The following DNAH10 variants were observed in gnomAD, a reference collection of about 807,000 sequenced individuals.
DNAH10 encodes axonemal beta dynein heavy chain 10.
DNAH10 carries 348 observed loss-of-function variants against 506.6 expected under a neutral mutation model. The ratio of observed to expected loss-of-function variants is 0.69; its 90% CI spans 0.63 to 0.75. The LOEUF (loss-of-function observed/expected upper bound fraction) is 0.75, where lower values mean the gene tolerates loss of function less well. Ranked by LOEUF, DNAH10 falls within the 30% of genes least tolerant of loss-of-function variation. The pLI is 0.00. For synonymous variants in DNAH10, 2,059 were observed against 2,198.6 expected (o/e 0.94, Z 1.78); for missense variants, 5,179 against 5,787.1 (o/e 0.89, Z 3.41).
intron 13 of DNAH10, among the ~76,000 whole-genome samples, chr12:123,797,443 A>G (rs1487229944): frequency 6.8e-6 from 1 of 147,446 alleles, no homozygotes; most frequent in Non-Finnish European, 1.5e-5. Flanking sequence ...CCCAGGCTGG[A>G]GTGCAGTGGC....
At chr12:123,847,627 T>C (rs963466874) in intron 32 of DNAH10, among the ~76,000 whole-genome samples, 8 of 152,192 alleles carry the variant, frequency 5.3e-5, no homozygotes, top group African/African-American at 1.7e-4. Flanking sequence ...CAGTCTTCAA[T>C]GGATTAGATG....
At chr12:123,812,147 AC>A (rs1958960683) in intron 19 of DNAH10, among the ~76,000 whole-genome samples, 1 of 151,958 alleles carries the variant, frequency 6.6e-6, no homozygotes, top group African/African-American at 2.4e-5. Context: ...GTTATGACTC[AC>A]GCTTGATTAA....
At chr12:123,790,479 G>T (rs1371699287) in intron 11 of DNAH10, among the ~76,000 whole-genome samples, 2 of 152,150 alleles carry the variant, frequency 1.3e-5, no homozygotes, top group African/African-American at 4.8e-5. Flanking sequence ...TGAGAATTGC[G>T]TTTTGTCAGA....
intron 19 of DNAH10, among the ~76,000 whole-genome samples, chr12:123,809,714 C>T (rs1207719029): frequency 6.6e-6 from 1 of 151,902 alleles, no homozygotes; most frequent in Non-Finnish European, 1.5e-5. Flanking sequence ...TAAACTGCCC[C>T]CACCCACCCC....
chr12:123,875,358 T>G lies in DNAH10; in HGVS notation c.8066T>G (p.Met2689Arg), dbSNP rs376164121. The G allele has an allele frequency of 1.2e-6, 2 of 1,613,928 alleles. No homozygotes were observed. The highest frequency in any genetic ancestry group is 1.6e-4 in the Middle Eastern group (1 of 6,062). The change falls in exon 47 of 79, where the codon ATG (methionine) becomes AGG (arginine). Residue 2689 changes from methionine to arginine, a missense_variant. Coordinates refer to ENST00000673944, the MANE Select transcript of DNAH10 (RefSeq NM_001372106.1). Reference protein sequence around the residue: ...SIRDLGFIAAMGKAGGGRNEV... With the variant: ...SIRDLGFIAARGKAGGGRNEV... ...CGAGACCTTGGCTTTATTGCTGCAA[T>G]GGGAAAGGCTGGAGGAGGCCGCAAT...
In DNAH10 at chr12:123,774,169, G is replaced by A. The variant is rs781038974; in HGVS notation, c.526G>A (p.Asp176Asn). ...NTKEAISEATDMKEAMEIMPE... is the reference protein window; with the variant it reads ...NTKEAISEATNMKEAMEIMPE... ...TTTAGAGGCAATCTCTGAAGCTACC[G>A]ACATGAAGGAAGCTATGGAAATTAT... Residue 176 changes from aspartate to asparagine, a missense_variant, in exon 5 of 79, where the codon GAC becomes AAC. Asp to Asn is a conservative substitution (Grantham distance 23). This residue lies in a region of DNAH10 where 326 missense variants were observed against 330.8 expected (regional missense o/e 0.99). Transcript: ENST00000673944. 6.8e-6 allele frequency: 11 copies of A among 1,610,074 alleles called. No homozygotes were observed. Among genetic ancestry groups the A allele is most frequent in the East Asian group, 2.2e-5 (1 of 44,748 alleles).
At chr12:123,880,147 C>T (rs531721976) in intron 50 of DNAH10, among the ~76,000 whole-genome samples, 27 of 152,172 alleles carry the variant, frequency 1.8e-4, no homozygotes, top group Admixed American at 1.4e-3. Flanking sequence ...GGCTTTGGGT[C>T]GCTGCTGGCC....
rs372841784 is a variant in DNAH10 at position 123,926,546 on chromosome 12, C to T, written c.11922-91C>T. On this transcript the variant is annotated intron_variant, in intron 68 of 78. Coordinates refer to ENST00000673944, the MANE Select transcript of DNAH10 (RefSeq NM_001372106.1). This position sits in a 1 kb window ranked among gnomAD's most constrained non-coding sequence, Gnocchi z 4.1. ...AGAGGAGTGGTCAGAAGGTTCTGGA[C>T]ACCGGAGGAGGCAGCGCTGATCAGA... 5.0e-4 allele frequency: 696 copies of T among 1,383,474 alleles called. 6 individuals carry two copies. The South Asian group carries it at 9.4e-3, about 19-fold the overall frequency. 85.7% of individuals were successfully genotyped at this position (1,383,474 alleles called of 1,614,324 possible).
chr12:123,825,443 C>G (rs920284405), intron 24 of DNAH10, among the ~76,000 whole-genome samples: 1 of 152,230 alleles, frequency 6.6e-6, no homozygotes, highest in African/African-American at 2.4e-5. Flanking sequence ...CGGAATACTA[C>G]TACTCAGCAA....
At chr12:123,765,977 C>A (rs993463041) in intron 1 of DNAH10, among the ~76,000 whole-genome samples, 2 of 152,098 alleles carry the variant, frequency 1.3e-5, no homozygotes, top group African/African-American at 4.8e-5. Flanking sequence ...TACCTATCAT[C>A]TATCTATCCA....
At chr12:123,801,579 G>T (rs570015060) in intron 16 of DNAH10, 147 bp downstream of exon 16, 2 of 990,158 alleles carry the variant, frequency 2.0e-6, no homozygotes, top group Non-Finnish European at 2.9e-6. Context: ...GCGGAACTTA[G>T]AACTGATCTC....
chr12:123,829,709 C>CATGTGT (rs1555226003), intron 25 of DNAH10, among the ~76,000 whole-genome samples: 39 of 151,084 alleles, frequency 2.6e-4, no homozygotes, highest in African/African-American at 9.2e-4. Flanking sequence ...TTTCCATGGC[C>CATGTGT]GTGTGTGTGT....
Position 123,926,351 on chromosome 12 carries a change from G to C in DNAH10, c.11922-286G>C. 1 of 399,182 alleles carries C rather than the reference G, an allele frequency of 2.5e-6. No individual in the cohort carries two copies. Among genetic ancestry groups the C allele is most frequent in the Non-Finnish European group, 4.4e-6 (1 of 228,912 alleles). 24.7% of individuals were successfully genotyped at this position (399,182 alleles called of 1,614,324 possible). The stretch of plus-strand genomic sequence containing the variant: ...GTGGAACCTCAGGGTTTTGTGCCAT[G>C]GGCAGGCCCACCTAGAGGGCAAGCT... On this transcript the variant is annotated intron_variant, in intron 68 of 78. Coordinates refer to ENST00000673944, the MANE Select transcript of DNAH10 (RefSeq NM_001372106.1). This position sits in a 1 kb window ranked among gnomAD's most constrained non-coding sequence, Gnocchi z 4.1.
In DNAH10 at chr12:123,790,070, G is replaced by T. The variant is rs1273008478; in HGVS notation, c.1764G>T (p.Lys588Asn). The T allele has an allele frequency of 5.0e-6, 8 of 1,614,138 alleles. No individual in the cohort carries two copies. The highest frequency in any genetic ancestry group is 6.8e-6 in the Non-Finnish European group (8 of 1,180,016). Residue 588 changes from lysine (K) to asparagine (N), a missense_variant, in exon 11 of 79, where the codon AAG becomes AAT. Lys to Asn is a moderately conservative substitution (Grantham distance 94). Around this residue, in one of 3 missense-constraint regions of DNAH10, gnomAD observed 4,844 missense variants for 5,430.5 expected, o/e 0.89. Coordinates refer to ENST00000673944, the MANE Select transcript of DNAH10 (RefSeq NM_001372106.1). The stretch of plus-strand genomic sequence containing the variant: ...TGACCTTTGACCCCTTCAGCATCAA[G>T]TCCTCCCAGTTCTGGAAATATGTGA... Reference protein sequence around the residue: ...ENLTFDPFSIKSSQFWKYVMD... With the variant: ...ENLTFDPFSINSSQFWKYVMD...
chr12:123,926,995 C>T lies in DNAH10; in HGVS notation c.12105+175C>T, dbSNP rs568559385. On this transcript the variant is annotated intron_variant, in intron 69 of 78. Coordinates refer to ENST00000673944, the MANE Select transcript of DNAH10 (RefSeq NM_001372106.1). The surrounding 1 kb of genome is among the most constrained non-coding windows in gnomAD (Gnocchi z 4.1). ...AAGATGACAATAATAGTTATGATTT[C>T]ACAACCTCATGTTGTGATCATGGTG... 3.6e-5 allele frequency: 25 copies of T among 697,164 alleles called. No individual in the cohort carries two copies. The highest frequency in any genetic ancestry group is 3.3e-4 in the East Asian group (12 of 36,568). 43.2% of individuals were successfully genotyped at this position (697,164 alleles called of 1,614,324 possible). A position where few individuals can be genotyped will look rare whatever the true frequency, so the allele number is the denominator to read the frequency against.
chr12:123,895,472 G>A (rs1460938025), intron 54 of DNAH10, among the ~76,000 whole-genome samples: 3 of 152,176 alleles, frequency 2.0e-5, no homozygotes, highest in African/African-American at 7.2e-5. Context: ...GGGGCCAAGA[G>A]AATGACTCTT....
chr12:123,806,634 C>T (rs1958683013), intron 18 of DNAH10, among the ~76,000 whole-genome samples: 1 of 152,198 alleles, frequency 6.6e-6, no homozygotes, highest in Non-Finnish European at 1.5e-5. Context: ...GCAAACTTCT[C>T]TAAGTTGATC....
At chr12:123,881,570 G>A (rs1217823517) in intron 50 of DNAH10, 55 bp from the exon 51 acceptor site, 3 of 1,473,062 alleles carry the variant, frequency 2.0e-6, no homozygotes, top group Non-Finnish European at 2.7e-6. Context: ...CAGATGGGTA[G>A]ATTGTAAAAC....
chr12:123,870,145 G>A (rs1415085944), intron 43 of DNAH10, among the ~76,000 whole-genome samples: 1 of 152,182 alleles, frequency 6.6e-6, no homozygotes. Context: ...TGACTGTCCC[G>A]TGAACTAGAA....
Sources: allele counts gnomAD v4.1 joint callset (sites outside exome capture counted in the v4.1 genomes callset), GRCh38; gene constraint gnomAD v4.1.1; regional missense constraint gnomAD v4.1.1; non-coding constraint Gnocchi (gnomAD v3.1); transcripts MANE v1.5; gene names NCBI Gene and HGNC (gene_info 2026-07-23, HGNC 2026-07-21).